RORA: variants seen among roughly 807,000 people sequenced by gnomAD.
RORA encodes the protein nuclear receptor ROR-alpha.
In RORA, 7 loss-of-function variants were observed where a neutral mutation model predicts 69.5. The ratio of observed to expected loss-of-function variants is 0.10; its 90% CI spans 0.06 to 0.19. RORA has a LOEUF of 0.19. Among genes scored for constraint, RORA ranks in the 10% least tolerant of loss-of-function variants. RORA has a pLI of 1.00. For missense variants in RORA, 457 were observed against 663.0 expected (o/e 0.69, Z 3.41); for synonymous variants, 261 against 240.8 (o/e 1.08, Z -0.78).
At chr15:60,904,404 G>C (rs1344512014) in intron 1 of RORA, among the ~76,000 whole-genome samples, 2 of 152,166 alleles carry the variant, frequency 1.3e-5, no homozygotes, top group Non-Finnish European at 2.9e-5. Flanking sequence ...GCATAGACAA[G>C]TATGATGGCT....
At chr15:60,689,380 A>C (rs1443789853) in intron 1 of RORA, among the ~76,000 whole-genome samples, 1 of 152,182 alleles carries the variant, frequency 6.6e-6, no homozygotes, top group African/African-American at 2.4e-5. Flanking sequence ...CTTCAGAATA[A>C]ACTATGGGTT....
At chr15:60,603,615 A>T (rs1365386688) in intron 2 of RORA, among the ~76,000 whole-genome samples, 1 of 152,198 alleles carries the variant, frequency 6.6e-6, no homozygotes, top group South Asian at 2.1e-4. Context: ...ACTTTGTTTT[A>T]TGTGTGTTTC....
chr15:60,623,162 C>T (rs901773855), intron 2 of RORA, among the ~76,000 whole-genome samples: 3 of 152,156 alleles, frequency 2.0e-5, no homozygotes, highest in Non-Finnish European at 4.4e-5. Context: ...TGTAAAAGAG[C>T]CAGGATAGCA....
intron 2 of RORA, chr15:60,558,305 C>G: frequency 1.9e-6 from 3 of 1,608,624 alleles, no homozygotes; most frequent in East Asian, 4.5e-5. Flanking sequence ...AAAAGTTCAT[C>G]CCTGGAACGA....
chr15:61,048,272 G>T (rs1046411741), intron 1 of RORA, among the ~76,000 whole-genome samples: 1 of 152,184 alleles, frequency 6.6e-6, no homozygotes, highest in Non-Finnish European at 1.5e-5. Context: ...TTGATAACTT[G>T]TTCCTAGGTT....
rs866804334 is a variant in RORA, at chr15:60,876,317, G to A, written c.167-197631C>T. Among the ~76,000 whole-genome samples the A allele has an allele frequency of 4.0e-5, 6 of 150,632 alleles. No homozygotes were observed. In the East Asian group the frequency reaches 7.8e-4, roughly 20 times the overall value. On this transcript the variant is annotated intron_variant, in intron 1 of 10. Transcript: ENST00000335670. ...TGTGGGCTCTTACAGGAAGTGGGGG[G>A]GGGGGGGGGCGGCTAGGAGACCACC...
At chr15:61,014,918 G>C (rs1401217998) in intron 1 of RORA, among the ~76,000 whole-genome samples, 2 of 152,258 alleles carry the variant, frequency 1.3e-5, no homozygotes, top group South Asian at 2.1e-4. Flanking sequence ...TTTGTTTTGA[G>C]AGTGTTTTTA....
At position 61,205,761 on chromosome 15, in the gene RORA, C is replaced by T. The variant is rs575763481; in HGVS notation, c.166+23292G>A. ...GCACAACTCCAAGGAGCTCCATTTG[C>T]TTAGGCTGCTTGCTACCTCCCACCT... On this transcript the variant is annotated intron_variant, in intron 1 of 10. Transcript: ENST00000335670. Among the ~76,000 whole-genome samples the T allele has an allele frequency of 2.0e-5, 3 of 152,252 alleles. 1 individual carries two copies. In the Middle Eastern group the frequency reaches 0.01, roughly 518 times the overall value.
At chr15:60,719,636 T>C (rs1407162293) in intron 1 of RORA, among the ~76,000 whole-genome samples, 1 of 152,004 alleles carries the variant, frequency 6.6e-6, no homozygotes, top group Non-Finnish European at 1.5e-5. Context: ...ATTTAAAGAG[T>C]TGGGGTTTGG....
intron 2 of RORA, among the ~76,000 whole-genome samples, chr15:60,608,169 G>A (rs2068997274): frequency 6.6e-6 from 1 of 152,204 alleles, no homozygotes; most frequent in African/African-American, 2.4e-5. Flanking sequence ...CATAGACGGA[G>A]GAAAGGGAAG....
chr15:60,945,611 C>A (rs1892847056), intron 1 of RORA, among the ~76,000 whole-genome samples: 1 of 152,196 alleles, frequency 6.6e-6, no homozygotes, highest in South Asian at 2.1e-4. Flanking sequence ...CCATGCATAA[C>A]AATATGTTCC....
At chr15:61,100,115 T>TC (rs1355118211) in intron 1 of RORA, among the ~76,000 whole-genome samples, 25 of 147,608 alleles carry the variant, frequency 1.7e-4, no homozygotes, top group Admixed American at 1.5e-3. Flanking sequence ...CAATTTTCTT[T>TC]TTTTTTTTTT....
At chr15:60,880,847 A>C (rs1259881009) in intron 1 of RORA, among the ~76,000 whole-genome samples, 1 of 152,074 alleles carries the variant, frequency 6.6e-6, no homozygotes, top group Non-Finnish European at 1.5e-5. Context: ...AAAGCCAGAA[A>C]TAAAAAAATC....
intron 1 of RORA, among the ~76,000 whole-genome samples, chr15:61,167,067 C>T (rs955289652): frequency 2.0e-5 from 3 of 152,142 alleles, no homozygotes; most frequent in African/African-American, 7.2e-5. Flanking sequence ...ATCACAGAAT[C>T]GGCTGCACCC....
chr15:60,785,818 C>G (rs1301169362), intron 1 of RORA, among the ~76,000 whole-genome samples: 3 of 152,218 alleles, frequency 2.0e-5, no homozygotes, highest in Admixed American at 6.5e-5. Context: ...TTCCAGGGGA[C>G]AAATCCTTCA....
intron 1 of RORA, among the ~76,000 whole-genome samples, chr15:60,883,860 G>C (rs1274481405): frequency 6.6e-6 from 1 of 152,130 alleles, no homozygotes; most frequent in Non-Finnish European, 1.5e-5. Context: ...TGCAACTGAG[G>C]GATACCACGA....
At chr15:61,220,637 A>T (rs2080086771) in intron 1 of RORA, among the ~76,000 whole-genome samples, 1 of 152,118 alleles carries the variant, frequency 6.6e-6, no homozygotes, top group Non-Finnish European at 1.5e-5. Context: ...GAGTCAATAA[A>T]CACGGCTGCC....
chr15:60,782,870 A>G (rs974324275), intron 1 of RORA, among the ~76,000 whole-genome samples: 1 of 152,268 alleles, frequency 6.6e-6, no homozygotes, highest in Non-Finnish European at 1.5e-5. Flanking sequence ...CTCAAATGCT[A>G]TAGGCATTGA....
intron 1 of RORA, among the ~76,000 whole-genome samples, chr15:60,931,367 C>T (rs1892367271): frequency 6.6e-6 from 1 of 152,182 alleles, no homozygotes; most frequent in African/African-American, 2.4e-5. Flanking sequence ...CTCTTCCTTA[C>T]TCACTCCTCT....
Sources: allele counts gnomAD v4.1 joint callset (sites outside exome capture counted in the v4.1 genomes callset), GRCh38; gene constraint gnomAD v4.1.1; transcripts MANE v1.5; gene names NCBI Gene and HGNC (gene_info 2026-07-23, HGNC 2026-07-21).